RFTN1: variants seen among roughly 807,000 people sequenced by gnomAD.
The protein encoded by RFTN1 is raftlin.
Under a neutral mutation model 46.5 loss-of-function variants are expected in RFTN1, and 26 were observed. That is an observed-to-expected ratio of 0.56 (90% confidence interval 0.41 to 0.78). The LOEUF (loss-of-function observed/expected upper bound fraction) is 0.78, where lower values mean the gene tolerates loss of function less well. Ranked by LOEUF, RFTN1 falls within the 30% of genes least tolerant of loss-of-function variation. RFTN1 has a pLI of 0.00. For synonymous variants in RFTN1, 261 were observed against 284.2 expected, an observed-to-expected ratio of 0.92 and a Z score of 0.82; for missense variants, 693 against 718.7, an observed-to-expected ratio of 0.96 and a Z score of 0.41.
rs2071014375 is a variant in RFTN1, at chr3:16,337,875, C to G, written c.1147-10999G>C. Among the ~76,000 whole-genome samples, 1 of 152,186 alleles carries G rather than the reference C, an allele frequency of 6.6e-6. No individual in the cohort carries two copies. The highest frequency in any genetic ancestry group is 1.5e-5 in the Non-Finnish European group (1 of 68,030). On this transcript the variant is annotated intron_variant, in intron 7 of 9. Coordinates refer to ENST00000334133, the MANE Select transcript of RFTN1 (RefSeq NM_015150.2). This position sits in a 1 kb window ranked among gnomAD's most constrained non-coding sequence, Gnocchi z 5.0. ...CTGGCACACCTAGCCCTTATTTGCT[C>G]CAGGCCGGACACTTTGGCCTTGCAT...
rs778599550 is a variant in RFTN1 at position 16,374,632 on chromosome 3, G to A, written c.826+3086C>T. ...GAGGAGGTGCAGGGTAGGAAGGGCAGTGCTTGGAAGACTTGTTATTTTGGT... is the reference window on the plus strand; with the variant it reads ...GAGGAGGTGCAGGGTAGGAAGGGCAATGCTTGGAAGACTTGTTATTTTGGT... On this transcript the variant is annotated intron_variant, in intron 5 of 9. Transcript: ENST00000334133. The surrounding 1 kb of genome is among the most constrained non-coding windows in gnomAD (Gnocchi z 5.4). Among the ~76,000 whole-genome samples, 19 of 152,322 alleles carry A rather than the reference G, an allele frequency of 1.2e-4. No individual in the cohort carries two copies. Among genetic ancestry groups the A allele is most frequent in the Non-Finnish European group, 2.5e-4 (17 of 68,028 alleles).
chr3:16,424,639 A>G lies in RFTN1; in HGVS notation c.332+9212T>C, dbSNP rs369021778. On this transcript the variant is annotated intron_variant, in intron 3 of 9. Transcript: ENST00000334133. The surrounding 1 kb of genome is among the most constrained non-coding windows in gnomAD (Gnocchi z 4.7). Reference sequence around the variant, plus strand: ...AGGAAGTGAATGAAATGATGTATTCATATTTATAGCATATTTATCATATTT... The same window carrying G: ...AGGAAGTGAATGAAATGATGTATTCGTATTTATAGCATATTTATCATATTT... 4.1e-4 allele frequency among the ~76,000 whole-genome samples: 62 copies of G among 152,372 alleles called. No homozygotes were observed. Among genetic ancestry groups the G allele is most frequent in the African/African-American group, 1.4e-3 (58 of 41,590 alleles).
Position 16,346,796 on chromosome 3 carries a change from CCA to C in RFTN1, c.1146+11134_1146+11135del, listed in dbSNP as rs1464988631. Among the ~76,000 whole-genome samples, 13 of 152,220 alleles carry C rather than the reference CCA, an allele frequency of 8.5e-5. No homozygotes were observed. Among genetic ancestry groups the C allele is most frequent in the South Asian group, 2.1e-4 (1 of 4,822 alleles). On this transcript the variant is annotated intron_variant, in intron 7 of 9. Coordinates refer to ENST00000334133, the MANE Select transcript of RFTN1 (RefSeq NM_015150.2). The surrounding 1 kb of genome is among the most constrained non-coding windows in gnomAD (Gnocchi z 4.4). ...CATTTGCATGAGACACCTAGAATTG[CCA>C]CAGTCACCTTGTGAGGAGGATCATA...
At chr3:16,368,049 T>A (rs796652101) in intron 6 of RFTN1, among the ~76,000 whole-genome samples, 1 of 142,554 alleles carries the variant, frequency 7.0e-6, no homozygotes, top group Non-Finnish European at 1.5e-5. Context: ...TGGCCACAGA[T>A]AGCATCTATG....
chr3:16,323,233 C>T (rs774595848), intron 9 of RFTN1, 143 bp downstream of exon 9: 35 of 630,070 alleles, frequency 5.6e-5, no homozygotes, highest in Non-Finnish European at 8.7e-5. Flanking sequence ...AGATGTGATT[C>T]GGGTTGCCAG....
intron 7 of RFTN1, among the ~76,000 whole-genome samples, chr3:16,355,943 T>A (rs1575108176): frequency 6.6e-6 from 1 of 152,140 alleles, no homozygotes; most frequent in African/African-American, 2.4e-5. Flanking sequence ...TTCACACACA[T>A]CCCCATGGCC....
chr3:16,401,771 A>C (rs570054651), intron 4 of RFTN1, among the ~76,000 whole-genome samples: 23 of 152,160 alleles, frequency 1.5e-4, no homozygotes, highest in Non-Finnish European at 3.1e-4. Flanking sequence ...AAACCAAGAA[A>C]CCTCACAAGA....
At chr3:16,333,552 CTCATT>C (rs1035155555) in intron 7 of RFTN1, among the ~76,000 whole-genome samples, 1 of 152,160 alleles carries the variant, frequency 6.6e-6, no homozygotes, top group African/African-American at 2.4e-5. Flanking sequence ...TCCAATCCCC[CTCATT>C]TAATAAAATG....
intron 1 of RFTN1, among the ~76,000 whole-genome samples, chr3:16,502,791 C>G (rs2125006472): frequency 6.6e-6 from 1 of 152,298 alleles, no homozygotes; most frequent in East Asian, 1.9e-4. Flanking sequence ...CATGAGAGAC[C>G]CTAAGTCAGA....
Position 16,410,507 on chromosome 3 carries a change from AG to A in RFTN1, c.333-1025del, listed in dbSNP as rs1372630341. Among the ~76,000 whole-genome samples the A allele has an allele frequency of 6.6e-6, 1 of 152,212 alleles. No individual in the cohort carries two copies. The highest frequency in any genetic ancestry group is 1.5e-5 in the Non-Finnish European group (1 of 68,036). On this transcript the variant is annotated intron_variant, in intron 3 of 9. Coordinates refer to ENST00000334133, the MANE Select transcript of RFTN1 (RefSeq NM_015150.2). The surrounding 1 kb of genome is among the most constrained non-coding windows in gnomAD (Gnocchi z 4.6). Reference sequence around the variant, plus strand: ...AAAAGAATATATTCCTATATCACTTAGAAAATTAAAAATTAATTTTTAAAAG... The same window carrying A: ...AAAAGAATATATTCCTATATCACTTAAAAATTAAAAATTAATTTTTAAAAG...
chr3:16,449,220 T>C lies in RFTN1; in HGVS notation c.146-15183A>G, dbSNP rs1005005695. The stretch of plus-strand genomic sequence containing the variant: ...TTAGTTCTAAATTATGCAGATCCTA[T>C]TAGGCAAATAAAGAACAGAAATCTG... On this transcript the variant is annotated intron_variant, in intron 2 of 9. Transcript: ENST00000334133. This position sits in a 1 kb window ranked among gnomAD's most constrained non-coding sequence, Gnocchi z 5.1. Among the ~76,000 whole-genome samples, 4 of 152,182 alleles carry C rather than the reference T, an allele frequency of 2.6e-5. No homozygotes were observed. The highest frequency in any genetic ancestry group is 4.4e-5 in the Non-Finnish European group (3 of 68,038).
Position 16,433,797 on chromosome 3 carries a change from T to G in RFTN1, c.332+54A>C, listed in dbSNP as rs745382157. ...CATCCTCTCACTTCCCCTCCTCTAT[T>G]GAGCATAACTTAGCCGCAACAGGAT... On this transcript the variant is annotated intron_variant, in intron 3 of 9. Coordinates refer to ENST00000334133, the MANE Select transcript of RFTN1 (RefSeq NM_015150.2). This position sits in a 1 kb window ranked among gnomAD's most constrained non-coding sequence, Gnocchi z 4.4. 2.2e-5 allele frequency: 35 copies of G among 1,575,380 alleles called. No individual in the cohort carries two copies. The highest frequency in any genetic ancestry group is 2.8e-5 in the Non-Finnish European group (32 of 1,145,382).
At position 16,429,922 on chromosome 3, in the gene RFTN1, C is replaced by A. The variant is rs73816437; in HGVS notation, c.332+3929G>T. ...ATGTGCTCCACTTGAAAAATATTAA[C>A]CAAGTATTTCTTTCTCTTTTAAAAG... is the stretch of plus-strand genomic sequence containing the variant. On this transcript the variant is annotated intron_variant, in intron 3 of 9. Transcript: ENST00000334133. The surrounding 1 kb of genome is among the most constrained non-coding windows in gnomAD (Gnocchi z 6.4). 3.5e-3 allele frequency among the ~76,000 whole-genome samples: 533 copies of A among 152,264 alleles called. 3 individuals are homozygous for A. Among genetic ancestry groups the A allele is most frequent in the African/African-American group, 0.012 (486 of 41,540 alleles).
chr3:16,409,245 CA>C, intron 4 of RFTN1, 129 bp downstream of exon 4: 1 of 612,208 alleles, frequency 1.6e-6, no homozygotes, highest in Non-Finnish European at 2.9e-6. Flanking sequence ...GTGGGGCTGC[CA>C]AAGGTTTAGG....
Position 16,383,125 on chromosome 3 carries a change from C to A in RFTN1, c.442-5023G>T, listed in dbSNP as rs928780269. 6.6e-6 allele frequency among the ~76,000 whole-genome samples: 1 copy of A among 152,196 alleles called. No homozygotes were observed. The highest frequency in any genetic ancestry group is 1.5e-5 in the Non-Finnish European group (1 of 68,024). On this transcript the variant is annotated intron_variant, in intron 4 of 9. Transcript: ENST00000334133. This position sits in a 1 kb window ranked among gnomAD's most constrained non-coding sequence, Gnocchi z 4.0. ...CTGTGACTGGTCAAACCTCACAGAA[C>A]TACCCAAAGCCATGCCTGGCTTTCG...
chr3:16,325,739 A>C (rs1348016340), intron 8 of RFTN1, among the ~76,000 whole-genome samples: 1 of 152,158 alleles, frequency 6.6e-6, no homozygotes, highest in Non-Finnish European at 1.5e-5. Flanking sequence ...ACTGTGACCT[A>C]ATGTGGAATC....
rs1345014339 is a variant in RFTN1 at position 16,320,772 on chromosome 3, A to G, written c.1332+2604T>C. Among the ~76,000 whole-genome samples the G allele has an allele frequency of 2.0e-5, 3 of 152,160 alleles. No homozygotes were observed. The highest frequency in any genetic ancestry group is 4.4e-5 in the Non-Finnish European group (3 of 68,024). ...ACAGAGGAGCTGGAGGCCACAGAGAATGGGAGGCTGGCAGAGGAGGTAAGA... is the reference window on the plus strand; with the variant it reads ...ACAGAGGAGCTGGAGGCCACAGAGAGTGGGAGGCTGGCAGAGGAGGTAAGA... On this transcript the variant is annotated intron_variant, in intron 9 of 9. Transcript: ENST00000334133. This position sits in a 1 kb window ranked among gnomAD's most constrained non-coding sequence, Gnocchi z 4.5.
chr3:16,379,078 G>A (rs181311414), intron 4 of RFTN1, among the ~76,000 whole-genome samples: 17 of 152,366 alleles, frequency 1.1e-4, no homozygotes, highest in Admixed American at 3.3e-4. Context: ...AGGCGGTGCA[G>A]ACCTCAGAGC....
At chr3:16,431,601 G>A (rs2075390039) in intron 3 of RFTN1, among the ~76,000 whole-genome samples, 1 of 152,108 alleles carries the variant, frequency 6.6e-6, no homozygotes, top group African/African-American at 2.4e-5. Context: ...GGATGTGCCA[G>A]TGATCTGACC....
Sources: gnomAD v4.1 joint callset for allele counts (sites outside exome capture counted in the v4.1 genomes callset) on GRCh38, gnomAD v4.1.1 for gene constraint, Gnocchi (gnomAD v3.1) non-coding constraint, MANE v1.5 for transcripts, NCBI Gene and HGNC (gene_info 2026-07-23, HGNC 2026-07-21) for gene names.